Variants in ONECUT2 observed in about 807,000 individuals in gnomAD.
The protein encoded by ONECUT2 is one cut homeobox 2, also known as one cut domain family member 2.
ONECUT2 carries 10 observed loss-of-function variants against 27.9 expected under a neutral mutation model. That is an observed-to-expected ratio of 0.36 (90% CI 0.22 to 0.61). The LOEUF (loss-of-function observed/expected upper bound fraction) is 0.61. ONECUT2 is among the 20% of genes least tolerant of loss of function. The pLI, the probability that ONECUT2 is intolerant of heterozygous loss-of-function variation, is 0.73. For synonymous variants in ONECUT2, 334 were observed against 315.1 expected, an observed-to-expected ratio of 1.06 and a Z score of -0.64; for missense variants, 686 against 721.0, an observed-to-expected ratio of 0.95 and a Z score of 0.56.
At chr18:57,463,782 T>C (rs1489529229) in intron 1 of ONECUT2, among the ~76,000 whole-genome samples, 3 of 152,210 alleles carry the variant, frequency 2.0e-5, no homozygotes, top group Non-Finnish European at 4.4e-5. Flanking sequence ...AGAAATACAA[T>C]TGATTTTGTC....
intron 1 of ONECUT2, among the ~76,000 whole-genome samples, chr18:57,463,182 A>G (rs1217352334): frequency 1.3e-5 from 2 of 152,172 alleles, no homozygotes; most frequent in Non-Finnish European, 2.9e-5. Context: ...CAACTCCATT[A>G]CAGGAGAGAA....
At chr18:57,460,687 C>CTTTTTTTTTTTTTT (rs66773926) in intron 1 of ONECUT2, among the ~76,000 whole-genome samples, 1 of 112,962 alleles carries the variant, frequency 8.9e-6, no homozygotes, top group African/African-American at 3.4e-5. Context: ...TCATTCAAAT[C>CTTTTTTTTTTTTTT]TTTTTTTTTT....
At position 57,482,629 on chromosome 18, in the gene ONECUT2, T is replaced by C. The variant is rs923905503; in HGVS notation, c.*5906T>C. 6.6e-6 allele frequency: 1 copy of C among 152,220 alleles called. No individual in the cohort carries two copies. Among genetic ancestry groups the C allele is most frequent in the African/African-American group, 2.4e-5 (1 of 41,452 alleles). The allele number at this position is 152,220 out of a possible 1,614,324, so 9.4% of individuals were successfully genotyped here. A position where few individuals can be genotyped will look rare whatever the true frequency, so the allele number is the denominator to read the frequency against. ...TTCATGTAGCATAAACCTTGGCAGATAAGTGTGCCTAAGGTTTATACAGTC... is the reference window on the plus strand; with the variant it reads ...TTCATGTAGCATAAACCTTGGCAGACAAGTGTGCCTAAGGTTTATACAGTC... On this transcript the variant is annotated 3_prime_UTR_variant, in exon 2 of 2. Coordinates refer to ENST00000491143, the MANE Select transcript of ONECUT2 (RefSeq NM_004852.3).
In ONECUT2 at chr18:57,481,531, C is replaced by T. The variant is rs1461488151; in HGVS notation, c.*4808C>T. ...TATTTTCTTTGTCTATACTGGGCAC[C>T]CACCTACTAGTGCCAGTAAATTCAA... On this transcript the variant is annotated 3_prime_UTR_variant, in exon 2 of 2. Transcript: ENST00000491143. 1 of 152,128 alleles carries T rather than the reference C, an allele frequency of 6.6e-6. No homozygotes were observed. Among genetic ancestry groups the T allele is most frequent in the African/African-American group, 2.4e-5 (1 of 41,416 alleles). 9.4% of individuals were successfully genotyped at this position (152,128 alleles called of 1,614,324 possible).
chr18:57,446,441 A>C (rs551876472), intron 1 of ONECUT2, among the ~76,000 whole-genome samples: 1 of 152,280 alleles, frequency 6.6e-6, no homozygotes, highest in African/African-American at 2.4e-5. Context: ...AGACCTCCAA[A>C]CATGGCTGGG....
At chr18:57,446,388 G>A (rs1353337867) in intron 1 of ONECUT2, among the ~76,000 whole-genome samples, 1 of 152,152 alleles carries the variant, frequency 6.6e-6, no homozygotes, top group East Asian at 1.9e-4. Context: ...GGTGCTTTTA[G>A]CAGGAATATA....
Position 57,436,234 on chromosome 18 carries a change from A to C in ONECUT2, c.518A>C (p.His173Pro). Residue 173 changes from histidine to proline, a missense_variant, in exon 1 of 2, where the codon CAC becomes CCC. Around this residue, in one of 4 missense-constraint regions of ONECUT2, gnomAD observed 511 missense variants for 488.1 expected, o/e 1.05. Transcript: ENST00000491143. The surrounding 1 kb of genome is among the most constrained non-coding windows in gnomAD (Gnocchi z 5.9). Reference sequence around the variant, plus strand: ...GACAAGTTCCACCACCCTCACCCGCACCACCATCCGCACCACCACCACCAC... The same window carrying C: ...GACAAGTTCCACCACCCTCACCCGCCCCACCATCCGCACCACCACCACCAC... ...VSDKFHHPHP[H>P]HHPHHHHHHH... 6 of 1,602,402 alleles carry C rather than the reference A, an allele frequency of 3.7e-6. No homozygotes were observed. Among genetic ancestry groups the C allele is most frequent in the Non-Finnish European group, 1.7e-6 (2 of 1,177,042 alleles).
rs377378656 is a variant in ONECUT2, at chr18:57,436,706, G to A, written c.990G>A (p.Leu330=). The A allele has an allele frequency of 5.5e-4, 882 of 1,613,678 alleles. No individual in the cohort carries two copies. Among genetic ancestry groups the A allele is most frequent in the Admixed American group, 7.5e-4 (45 of 60,026 alleles). ...SGSQVATSGQ[L]EEINTKEVAQ... is the part of the protein sequence containing the mutation. ...CGCAGGTGGCCACGTCGGGCCAGCT[G>A]GAAGAAATCAACACCAAAGAGGTGG... Residue 330 remains leucine (L), a synonymous_variant, in exon 1 of 2, where the codon CTG becomes CTA. Coordinates refer to ENST00000491143, the MANE Select transcript of ONECUT2 (RefSeq NM_004852.3). The surrounding 1 kb of genome is among the most constrained non-coding windows in gnomAD (Gnocchi z 5.9).
At chr18:57,451,682 C>A (rs1307477069) in intron 1 of ONECUT2, among the ~76,000 whole-genome samples, 1 of 152,148 alleles carries the variant, frequency 6.6e-6, no homozygotes, top group Non-Finnish European at 1.5e-5. Flanking sequence ...ATTAAAAGGG[C>A]AGGATGTGGA....
intron 1 of ONECUT2, among the ~76,000 whole-genome samples, chr18:57,470,830 C>T (rs745578988): frequency 2.0e-5 from 3 of 152,140 alleles, no homozygotes; most frequent in Admixed American, 6.6e-5. Flanking sequence ...ACCCTCTGTT[C>T]GGGAATGGGC....
chr18:57,451,918 A>G (rs894517054), intron 1 of ONECUT2, among the ~76,000 whole-genome samples: 5 of 152,150 alleles, frequency 3.3e-5, no homozygotes, highest in African/African-American at 1.2e-4. Flanking sequence ...AAGCATGGGC[A>G]CAGAAAAGGC....
At chr18:57,468,416 A>G (rs1287810789) in intron 1 of ONECUT2, among the ~76,000 whole-genome samples, 1 of 152,232 alleles carries the variant, frequency 6.6e-6, no homozygotes, top group African/African-American at 2.4e-5. Context: ...TACTGGCTCC[A>G]TGGTCATCTG....
At chr18:57,451,340 T>G (rs375604572) in intron 1 of ONECUT2, among the ~76,000 whole-genome samples, 1 of 152,246 alleles carries the variant, frequency 6.6e-6, no homozygotes, top group African/African-American at 2.4e-5. Context: ...CTGTCATTTC[T>G]GTGCCTTGCA....
chr18:57,444,748 G>T (rs953116463), intron 1 of ONECUT2, among the ~76,000 whole-genome samples: 1 of 152,198 alleles, frequency 6.6e-6, no homozygotes, highest in African/African-American at 2.4e-5. Context: ...TCCCTTTAAG[G>T]AAACCACATA....
chr18:57,462,106 T>A (rs1213569818), intron 1 of ONECUT2, among the ~76,000 whole-genome samples: 2 of 152,242 alleles, frequency 1.3e-5, no homozygotes, highest in Non-Finnish European at 2.9e-5. Context: ...ACTTTTACAT[T>A]TAAGCCATTT....
In ONECUT2 at chr18:57,484,475, G is replaced by A. The variant is rs1474665620; in HGVS notation, c.*7752G>A. The A allele has an allele frequency of 1.3e-5, 2 of 152,624 alleles. No individual in the cohort carries two copies. Among genetic ancestry groups the A allele is most frequent in the Non-Finnish European group, 2.9e-5 (2 of 68,034 alleles). 9.5% of individuals were successfully genotyped at this position (152,624 alleles called of 1,614,324 possible). On this transcript the variant is annotated 3_prime_UTR_variant, in exon 2 of 2. Coordinates refer to ENST00000491143, the MANE Select transcript of ONECUT2 (RefSeq NM_004852.3). ...TAATTTGGAAAGGGATATTTTCTGT[G>A]TTTCTCTTATATGTTTGCTGTCTGC...
chr18:57,449,260 T>TA (rs978433936), intron 1 of ONECUT2, among the ~76,000 whole-genome samples: 2 of 152,200 alleles, frequency 1.3e-5, no homozygotes, highest in Non-Finnish European at 2.9e-5. Flanking sequence ...GTCAGCCCAT[T>TA]AGATTAAGAT....
intron 1 of ONECUT2, among the ~76,000 whole-genome samples, chr18:57,445,603 T>C (rs562896454): frequency 6.6e-6 from 1 of 152,350 alleles, no homozygotes; most frequent in South Asian, 2.1e-4. Context: ...AATGATTTCG[T>C]AGGTGAGCTA....
rs1286592746 is a variant in ONECUT2 at position 57,480,481 on chromosome 18, G to A, written c.*3758G>A. 6.6e-6 allele frequency: 1 copy of A among 151,924 alleles called. No homozygotes were observed. The highest frequency in any genetic ancestry group is 1.5e-5 in the Non-Finnish European group (1 of 68,030). The allele number at this position is 151,924 out of a possible 1,614,324, so 9.4% of individuals were successfully genotyped here. On this transcript the variant is annotated 3_prime_UTR_variant, in exon 2 of 2. Transcript: ENST00000491143. ...GTTTGGGTCTCCAGCATCCTCTGAA[G>A]ATGTCTAGACTAGTAGAGGCTGCCT...
Sources: allele counts gnomAD v4.1 joint callset (sites outside exome capture counted in the v4.1 genomes callset), GRCh38; gene constraint gnomAD v4.1.1; regional missense constraint gnomAD v4.1.1; non-coding constraint Gnocchi (gnomAD v3.1); transcripts MANE v1.5; gene names NCBI Gene and HGNC (gene_info 2026-07-23, HGNC 2026-07-21).